RNF144A: variants seen among roughly 807,000 people sequenced by gnomAD.
The protein encoded by RNF144A is ring finger protein 144A.
A neutral mutation model predicts 38.7 loss-of-function variants in RNF144A; 11 were observed. The observed-to-expected ratio is 0.28, with a 90% CI of 0.18 to 0.47. The LOEUF (loss-of-function observed/expected upper bound fraction) is 0.47, where lower values mean the gene tolerates loss of function less well. RNF144A is among the 20% of genes least tolerant of loss of function. The pLI is 0.99. For missense variants in RNF144A, 316 were observed against 377.2 expected, an observed-to-expected ratio of 0.84 and a Z score of 1.34; for synonymous variants, 149 against 143.9, an observed-to-expected ratio of 1.04 and a Z score of -0.25.
intron 2 of RNF144A, among the ~76,000 whole-genome samples, chr2:6,974,678 C>T (rs1172585052): frequency 6.6e-6 from 1 of 152,002 alleles, no homozygotes; most frequent in Admixed American, 6.5e-5. Context: ...CGTGAGCTGA[C>T]CAACCTTGTT....
rs1669347914 is a variant in RNF144A, at chr2:6,991,195, G to A, written c.-11-5721G>A. Among the ~76,000 whole-genome samples the A allele has an allele frequency of 1.3e-5, 2 of 152,316 alleles. 1 individual carries two copies. Among genetic ancestry groups the A allele is most frequent in the South Asian group, 4.2e-4 (2 of 4,818 alleles). On this transcript the variant is annotated intron_variant, in intron 2 of 8. Coordinates refer to ENST00000320892, the MANE Select transcript of RNF144A (RefSeq NM_014746.6). ...GTCTTCACATTAGCTGGGAAACTAG[G>A]AGTGTGATTGCTGGAAATAGTTAAG... is the stretch of plus-strand genomic sequence containing the variant.
At chr2:7,074,013 A>G in the RNF144A span, among the ~76,000 whole-genome samples, 1 of 152,372 alleles carries the variant, frequency 6.6e-6, no homozygotes, top group East Asian at 1.9e-4. Context: ...TTACTTTAGA[A>G]CAGAGCCCTT....
intron 2 of RNF144A, among the ~76,000 whole-genome samples, chr2:6,957,831 C>G (rs1425723984): frequency 6.6e-6 from 1 of 152,298 alleles, no homozygotes; most frequent in East Asian, 1.9e-4. Flanking sequence ...ACCCCTTTTC[C>G]AATCTTAGCA....
downstream of RNF144A, among the ~76,000 whole-genome samples, chr2:7,045,734 C>CT (rs1402042703): frequency 6.6e-6 from 1 of 152,204 alleles, no homozygotes; most frequent in African/African-American, 2.4e-5. Flanking sequence ...AGCACGGACT[C>CT]TGAGTGGGCT....
At chr2:7,068,001 C>T (rs892343834) in intron 6 of RNF144A, among the ~76,000 whole-genome samples, 1 of 152,186 alleles carries the variant, frequency 6.6e-6, no homozygotes, top group Non-Finnish European at 1.5e-5. Flanking sequence ...CCGATATCTC[C>T]TCTTAGTAAT....
chr2:7,012,472 A>T (rs1463427184), intron 3 of RNF144A, among the ~76,000 whole-genome samples: 3 of 152,136 alleles, frequency 2.0e-5, no homozygotes, highest in African/African-American at 7.2e-5. Context: ...GACTTGAGGG[A>T]CAAGGATTGG....
the RNF144A span, among the ~76,000 whole-genome samples, chr2:7,075,283 C>G: frequency 6.9e-6 from 1 of 145,384 alleles, no homozygotes; most frequent in Non-Finnish European, 1.5e-5. Context: ...CTGGAACATC[C>G]CCCCCCCCAC....
At chr2:7,072,224 G>A (rs1232030011), downstream of RNF144A, among the ~76,000 whole-genome samples, 2 of 152,218 alleles carry the variant, frequency 1.3e-5, no homozygotes, top group Non-Finnish European at 2.9e-5. Context: ...GGTAGACTTT[G>A]GAAGCTACAG....
chr2:7,070,204 C>G (rs1331961748), downstream of RNF144A, among the ~76,000 whole-genome samples: 1 of 152,122 alleles, frequency 6.6e-6, no homozygotes, highest in East Asian at 1.9e-4. Context: ...GGGTTTGACT[C>G]TGTTACCCAG....
chr2:7,049,875 C>T (rs998119182), intron 6 of RNF144A, among the ~76,000 whole-genome samples: 5 of 152,080 alleles, frequency 3.3e-5, no homozygotes, highest in South Asian at 4.1e-4. Context: ...GCTCAGAAGG[C>T]GAGGCTAACA....
At chr2:6,927,921 T>C (rs749890210) in intron 1 of RNF144A, among the ~76,000 whole-genome samples, 18 of 152,358 alleles carry the variant, frequency 1.2e-4, no homozygotes, top group Non-Finnish European at 2.1e-4. Flanking sequence ...TCTTTCCAGG[T>C]TACCAGCCTT....
At chr2:7,056,840 T>C (rs1673759694) in intron 6 of RNF144A, among the ~76,000 whole-genome samples, 1 of 152,218 alleles carries the variant, frequency 6.6e-6, no homozygotes, top group African/African-American at 2.4e-5. Flanking sequence ...GTGTATCTCA[T>C]GCGCCTGCTT....
At chr2:6,925,161 A>G (rs1486508604) in intron 1 of RNF144A, among the ~76,000 whole-genome samples, 1 of 152,210 alleles carries the variant, frequency 6.6e-6, no homozygotes, top group African/African-American at 2.4e-5. Flanking sequence ...TGACTAAAAC[A>G]CTTGCATTTC....
Position 7,023,777 on chromosome 2 carries a change from C to T in RNF144A, c.510-592C>T, listed in dbSNP as rs965971003. Among the ~76,000 whole-genome samples the T allele has an allele frequency of 4.6e-5, 7 of 152,224 alleles. 1 individual carries two copies. The highest frequency in any genetic ancestry group is 4.6e-4 in the Admixed American group (7 of 15,278). ...GAAAACTAGGGCTTGGAGGGTTGCTCCACAGCTGGTTTGTAGCAGACCCAG... is the reference window on the plus strand; with the variant it reads ...GAAAACTAGGGCTTGGAGGGTTGCTTCACAGCTGGTTTGTAGCAGACCCAG... On this transcript the variant is annotated intron_variant, in intron 6 of 8. Coordinates refer to ENST00000320892, the MANE Select transcript of RNF144A (RefSeq NM_014746.6).
At chr2:6,934,041 A>G (rs1665387364) in intron 1 of RNF144A, among the ~76,000 whole-genome samples, 1 of 152,158 alleles carries the variant, frequency 6.6e-6, no homozygotes, top group South Asian at 2.1e-4. Flanking sequence ...AGGGCAGCAC[A>G]TGTGGGTCAG....
intron 1 of RNF144A, among the ~76,000 whole-genome samples, chr2:6,920,784 C>A (rs1286812149): frequency 6.6e-6 from 1 of 152,212 alleles, no homozygotes; most frequent in Non-Finnish European, 1.5e-5. Flanking sequence ...CACATGAATA[C>A]CCTTTCTTAG....
chr2:6,957,744 T>C (rs77815235), intron 2 of RNF144A, among the ~76,000 whole-genome samples: 3,957 of 152,350 alleles, frequency 0.026, 176 homozygotes, highest in African/African-American at 0.091. Flanking sequence ...TAGAGGACAC[T>C]GAAAGGCATA....
rs147927833 is a variant in RNF144A, at chr2:7,036,161, G to A, written c.748-3468G>A. Among the ~76,000 whole-genome samples, 51 of 152,260 alleles carry A rather than the reference G, an allele frequency of 3.3e-4. 1 individual carries two copies. The highest frequency in any genetic ancestry group is 1.0e-3 in the African/African-American group (42 of 41,530). ...AAGTGCTTGCCGGCCTTTTTCCAGC[G>A]CTATCCCAGAAATCAGCCATCGTGT... On this transcript the variant is annotated intron_variant, in intron 8 of 8. Coordinates refer to ENST00000320892, the MANE Select transcript of RNF144A (RefSeq NM_014746.6).
At chr2:7,030,077 C>A in intron 7 of RNF144A, 49 bp from the exon 8 acceptor site, 2 of 1,305,292 alleles carry the variant, frequency 1.5e-6, no homozygotes, top group Non-Finnish European at 1.1e-6. Flanking sequence ...ACTCACCGAA[C>A]TGAGCAGGAA....
Sources: gnomAD v4.1 joint callset for allele counts (sites outside exome capture counted in the v4.1 genomes callset) on GRCh38, gnomAD v4.1.1 for gene constraint, MANE v1.5 for transcripts, NCBI Gene and HGNC (gene_info 2026-07-23, HGNC 2026-07-21) for gene names.